Variants in ZDHHC2 observed in about 807,000 individuals in gnomAD.
The protein encoded by ZDHHC2 is zDHHC palmitoyltransferase 2.
ZDHHC2 carries 51 observed loss-of-function variants against 55.6 expected under a neutral mutation model. The observed-to-expected ratio is 0.92, with a 90% CI of 0.73 to 1.16. ZDHHC2 has a LOEUF of 1.16. Ranked by LOEUF, ZDHHC2 falls within the 50% of genes most tolerant of loss-of-function variation. ZDHHC2 has a pLI of 0.00. For synonymous variants in ZDHHC2, 199 were observed against 152.9 expected (o/e 1.30, Z -2.22); for missense variants, 491 against 442.4 (o/e 1.11, Z -0.99).
intron 6 of ZDHHC2, among the ~76,000 whole-genome samples, chr8:17,199,761 T>A (rs1806642407): frequency 6.8e-6 from 1 of 146,558 alleles, no homozygotes; most frequent in African/African-American, 2.6e-5. Flanking sequence ...TCTTTCTTCT[T>A]CTTTTTTTTT....
In ZDHHC2 at chr8:17,220,031, CA is replaced by C. The variant is rs1458134758; in HGVS notation, c.*35-223del. Among the ~76,000 whole-genome samples, 4 of 8,866 alleles carry C rather than the reference CA, an allele frequency of 4.5e-4. No homozygotes were observed. The Non-Finnish European group carries it at 8.9e-3, about 20-fold the overall frequency. The allele number at this position is 8,866 out of a possible 152,430, so 5.8% of individuals were successfully genotyped here. A position where few individuals can be genotyped will look rare whatever the true frequency, so the allele number is the denominator to read the frequency against. On this transcript the variant is annotated intron_variant, in intron 12 of 12. Transcript: ENST00000262096. ...CCTAGACCTACTGAATCAGAGTCTG[CA>C]ATTTTTTTTTTTGCATTTTAATAGG...
chr8:17,167,550 C>T (rs1475139622), intron 1 of ZDHHC2, among the ~76,000 whole-genome samples: 1 of 152,014 alleles, frequency 6.6e-6, no homozygotes, highest in Admixed American at 6.6e-5. Flanking sequence ...GGTGATTCGG[C>T]CTCCCAAAGT....
At chr8:17,183,499 CA>C (rs1805541284) in intron 1 of ZDHHC2, among the ~76,000 whole-genome samples, 1 of 152,190 alleles carries the variant, frequency 6.6e-6, no homozygotes, top group Non-Finnish European at 1.5e-5. Flanking sequence ...AATCGAAGGT[CA>C]TCCAGGCCTG....
chr8:17,171,052 G>A (rs1240584395), intron 1 of ZDHHC2, among the ~76,000 whole-genome samples: 1 of 152,096 alleles, frequency 6.6e-6, no homozygotes, highest in Non-Finnish European at 1.5e-5. Flanking sequence ...TGTTGAGGGT[G>A]TAGTATCCAC....
chr8:17,186,304 A>G (rs943976159), intron 2 of ZDHHC2, 27 bp from the exon 3 acceptor site: 12 of 1,457,568 alleles, frequency 8.2e-6, no homozygotes, highest in Non-Finnish European at 1.1e-5. Flanking sequence ...GCATATTATA[A>G]TGATAATTAT....
rs954427266 is a variant in ZDHHC2, at chr8:17,221,425, A to T, written c.*1204A>T. Reference sequence around the variant, plus strand: ...TTTTTATTTGAGTCCAGTATAATTCATGTAAATGTTAACAATTAGAATAAT... The same window carrying T: ...TTTTTATTTGAGTCCAGTATAATTCTTGTAAATGTTAACAATTAGAATAAT... On this transcript the variant is annotated 3_prime_UTR_variant, in exon 13 of 13. Transcript: ENST00000262096. 2.6e-5 allele frequency: 4 copies of T among 152,536 alleles called. No individual in the cohort carries two copies. Among genetic ancestry groups the T allele is most frequent in the Non-Finnish European group, 5.9e-5 (4 of 67,962 alleles). The allele number at this position is 152,536 out of a possible 1,614,324, so 9.4% of individuals were successfully genotyped here.
At chr8:17,191,444 C>T (rs1806023337) in intron 3 of ZDHHC2, among the ~76,000 whole-genome samples, 1 of 152,286 alleles carries the variant, frequency 6.6e-6, no homozygotes, top group Non-Finnish European at 1.5e-5. Flanking sequence ...TTAACTTTCC[C>T]CACTTATGTC....
intron 2 of ZDHHC2, 127 bp downstream of exon 2, chr8:17,184,942 G>A (rs1163945853): frequency 2.6e-6 from 2 of 778,586 alleles, no homozygotes; most frequent in South Asian, 2.1e-5. Flanking sequence ...GGTTAAAGAT[G>A]TCTCATTTCT....
chr8:17,164,238 C>T (rs529984250), intron 1 of ZDHHC2, among the ~76,000 whole-genome samples: 9 of 152,096 alleles, frequency 5.9e-5, no homozygotes, highest in African/African-American at 1.9e-4. Flanking sequence ...TATTAATTGC[C>T]TGAAGTGTTA....
intron 1 of ZDHHC2, among the ~76,000 whole-genome samples, chr8:17,164,106 C>T (rs118188093): frequency 0.016 from 2,470 of 152,206 alleles, 36 homozygotes; most frequent in Non-Finnish European, 0.026. Context: ...TGTAAAGAAA[C>T]CAGACATGAT....
chr8:17,185,811 T>TCC (rs1312392207), intron 2 of ZDHHC2, among the ~76,000 whole-genome samples: 1 of 152,222 alleles, frequency 6.6e-6, no homozygotes, highest in African/African-American at 2.4e-5. Context: ...ACACTTGAAC[T>TCC]CCCACTGAAG....
intron 10 of ZDHHC2, among the ~76,000 whole-genome samples, 183 bp from the exon 11 acceptor site, chr8:17,215,054 A>G (rs923012614): frequency 1.3e-5 from 2 of 152,188 alleles, no homozygotes; most frequent in Admixed American, 1.3e-4. Flanking sequence ...AAGATAGAAC[A>G]CTTTTCTCAC....
rs116114973 is a variant in ZDHHC2 at position 17,191,919 on chromosome 8, C to T, written c.253-3585C>T. ...GTAGTAGTACTAATTTACATTCTCA[C>T]CAACAGTATACAAGGGTTCCCTTTT... On this transcript the variant is annotated intron_variant, in intron 3 of 12. Transcript: ENST00000262096. Among the ~76,000 whole-genome samples the T allele has an allele frequency of 3.5e-3, 537 of 152,224 alleles. 4 individuals carry two copies. The highest frequency in any genetic ancestry group is 0.012 in the African/African-American group (515 of 41,530).
chr8:17,194,668 G>C (rs528939437), intron 3 of ZDHHC2, among the ~76,000 whole-genome samples: 2 of 152,144 alleles, frequency 1.3e-5, no homozygotes, highest in South Asian at 2.1e-4. Context: ...GTTTTATGTT[G>C]TTCAGTATAC....
rs1046284703 is a variant in ZDHHC2, at chr8:17,222,075, A to G, written c.*1854A>G. 2 of 148,506 alleles carry G rather than the reference A, an allele frequency of 1.3e-5. No homozygotes were observed. Among genetic ancestry groups the G allele is most frequent in the African/African-American group, 4.9e-5 (2 of 40,486 alleles). 9.2% of individuals were successfully genotyped at this position (148,506 alleles called of 1,614,324 possible). ...ATTCCCTCTTGTCAAACTGGAAGCT[A>G]GGGGAAAAAGAGGGATTTTTATCCT... On this transcript the variant is annotated 3_prime_UTR_variant, in exon 13 of 13. Transcript: ENST00000262096.
chr8:17,196,672 G>A (rs4922269), intron 4 of ZDHHC2, among the ~76,000 whole-genome samples: 27,035 of 151,960 alleles, frequency 0.18, 2,848 homozygotes, highest in Admixed American at 0.32. Context: ...GGAGGCCGAG[G>A]CAGGTGGATC....
chr8:17,201,892 C>A (rs1806798853), intron 6 of ZDHHC2, among the ~76,000 whole-genome samples: 1 of 152,096 alleles, frequency 6.6e-6, no homozygotes, highest in Admixed American at 6.5e-5. Flanking sequence ...CAATACCTCT[C>A]TATTTGTCAG....
intron 12 of ZDHHC2, among the ~76,000 whole-genome samples, chr8:17,219,267 A>AG (rs1807798399): frequency 6.6e-6 from 1 of 150,882 alleles, no homozygotes; most frequent in Non-Finnish European, 1.5e-5. Flanking sequence ...AAAAAAAAAA[A>AG]AAAAAAAAAA....
chr8:17,204,529 C>T (rs747981652), intron 6 of ZDHHC2, among the ~76,000 whole-genome samples: 1 of 152,154 alleles, frequency 6.6e-6, no homozygotes, highest in Non-Finnish European at 1.5e-5. Flanking sequence ...CAGTAGTGCC[C>T]TTGTCTTTAT....
Sources: gnomAD v4.1 joint callset for allele counts (sites outside exome capture counted in the v4.1 genomes callset) on GRCh38, gnomAD v4.1.1 for gene constraint, MANE v1.5 for transcripts, NCBI Gene and HGNC (gene_info 2026-07-23, HGNC 2026-07-21) for gene names.